TRPC7: variants seen among roughly 807,000 people sequenced by gnomAD.
TRPC7 encodes the protein transient receptor potential cation channel subfamily C member 7, also known as short transient receptor potential channel 7.
A neutral mutation model predicts 90.1 loss-of-function variants in TRPC7; 42 were observed. The observed-to-expected ratio is 0.47, with a 90% CI of 0.36 to 0.60. TRPC7 has a LOEUF of 0.60. Ranked by LOEUF, TRPC7 falls within the 20% of genes least tolerant of loss-of-function variation. TRPC7 has a pLI of 0.00. For missense variants in TRPC7, 955 were observed against 1,112.3 expected, an observed-to-expected ratio of 0.86 and a Z score of 2.01; for synonymous variants, 451 against 436.3, an observed-to-expected ratio of 1.03 and a Z score of -0.42.
intron 3 of TRPC7, among the ~76,000 whole-genome samples, chr5:136,310,213 C>T (rs1758781659): frequency 6.6e-6 from 1 of 152,132 alleles, no homozygotes; most frequent in Admixed American, 6.6e-5. Flanking sequence ...ATCAGAAATG[C>T]CCTCCCCACC....
At chr5:136,331,393 G>A (rs1193620243) in intron 2 of TRPC7, among the ~76,000 whole-genome samples, 1 of 152,060 alleles carries the variant, frequency 6.6e-6, no homozygotes, top group Non-Finnish European at 1.5e-5. Context: ...GGGCCCTGGA[G>A]GTACAATGGA....
At chr5:136,347,486 C>G (rs1305875086) in intron 2 of TRPC7, among the ~76,000 whole-genome samples, 3 of 152,140 alleles carry the variant, frequency 2.0e-5, no homozygotes, top group Non-Finnish European at 4.4e-5. Flanking sequence ...TTTCCTGTAC[C>G]TTAATGAAAA....
chr5:136,349,880 C>T (rs1392399251), intron 2 of TRPC7, among the ~76,000 whole-genome samples: 1 of 152,190 alleles, frequency 6.6e-6, no homozygotes. Context: ...TATAATGGAG[C>T]TGCCCTATAC....
At chr5:136,354,625 AG>A in intron 2 of TRPC7, among the ~76,000 whole-genome samples, 1 of 152,284 alleles carries the variant, frequency 6.6e-6, no homozygotes, top group African/African-American at 2.4e-5. Context: ...TTACCAGACA[AG>A]TTAATTTCCC....
chr5:136,321,536 G>T (rs1472240229), intron 2 of TRPC7, among the ~76,000 whole-genome samples: 2 of 152,108 alleles, frequency 1.3e-5, no homozygotes, highest in Non-Finnish European at 2.9e-5. Context: ...CATGTCAAAT[G>T]CTCAGGATAG....
chr5:136,312,536 C>T (rs2161382), intron 3 of TRPC7, among the ~76,000 whole-genome samples: 46,450 of 152,092 alleles, frequency 0.31, 8,133 homozygotes, highest in African/African-American at 0.49. Context: ...TATGTCCATT[C>T]TGCAAATGGG....
rs370032512 is a variant in TRPC7, at chr5:136,356,814, G to A, written c.574C>T (p.Arg192Trp). ...ILLLKGARIE[R>W]PHDYFCKCNE... ...CACTTGCAGAAGTAGTCGTGGGGCC[G>A]CTCGATGCGGGCGCCCTTGAGCAGC... is the stretch of plus-strand genomic sequence containing the variant. Residue 192 changes from arginine to tryptophan, a missense_variant, in exon 2 of 12, where the codon CGG becomes TGG. Arg to Trp is a moderately radical substitution (Grantham distance 101). This residue lies in a region of TRPC7 where 484 missense variants were observed against 509.6 expected (regional missense o/e 0.95). Transcript: ENST00000513104. 1.2e-6 allele frequency: 2 copies of A among 1,613,228 alleles called. No homozygotes were observed. The highest frequency in any genetic ancestry group is 1.7e-6 in the Non-Finnish European group (2 of 1,179,528).
intron 2 of TRPC7, among the ~76,000 whole-genome samples, chr5:136,338,022 C>G (rs958983628): frequency 6.6e-6 from 1 of 152,036 alleles, no homozygotes; most frequent in Non-Finnish European, 1.5e-5. Flanking sequence ...GTAAGTGCGT[C>G]GTATTCTAAC....
intron 2 of TRPC7, among the ~76,000 whole-genome samples, chr5:136,333,236 T>A (rs1443322691): frequency 6.6e-6 from 1 of 152,144 alleles, no homozygotes; most frequent in Non-Finnish European, 1.5e-5. Context: ...CTCAGGGATG[T>A]TGCCCCAGAG....
At chr5:136,248,778 T>A (rs972533128) in intron 6 of TRPC7, among the ~76,000 whole-genome samples, 3 of 152,236 alleles carry the variant, frequency 2.0e-5, no homozygotes, top group Non-Finnish European at 2.9e-5. Context: ...CCTATTGCAG[T>A]TCTAATGGTA....
At chr5:136,255,696 C>T (rs1407196274) in intron 5 of TRPC7, among the ~76,000 whole-genome samples, 3 of 152,332 alleles carry the variant, frequency 2.0e-5, no homozygotes, top group Admixed American at 1.3e-4. Flanking sequence ...AATTTGAGCA[C>T]CTACTATGTG....
rs1755150768 is a variant in TRPC7 at position 136,213,260 on chromosome 5, T to G, written c.*175A>C. The G allele has an allele frequency of 3.0e-6, 2 of 667,998 alleles. No individual in the cohort carries two copies. The highest frequency in any genetic ancestry group is 1.8e-5 in the African/African-American group (1 of 55,002). 41.4% of individuals were successfully genotyped at this position (667,998 alleles called of 1,614,324 possible). On this transcript the variant is annotated 3_prime_UTR_variant, in exon 12 of 12. Coordinates refer to ENST00000513104, the MANE Select transcript of TRPC7 (RefSeq NM_020389.3). Reference sequence around the variant, plus strand: ...CACCTAGATTCACAGCAGTTCTGGGTCTAGGCAGGCCAGCGGGCTGGAGAT... The same window carrying G: ...CACCTAGATTCACAGCAGTTCTGGGGCTAGGCAGGCCAGCGGGCTGGAGAT...
intron 2 of TRPC7, among the ~76,000 whole-genome samples, chr5:136,353,626 A>G (rs1054106232): frequency 2.6e-5 from 4 of 152,220 alleles, no homozygotes; most frequent in African/African-American, 9.6e-5. Context: ...AGGAATGCAC[A>G]TATAAGGCTA....
chr5:136,345,281 C>T (rs1580979546), intron 2 of TRPC7, among the ~76,000 whole-genome samples: 1 of 152,150 alleles, frequency 6.6e-6, no homozygotes, highest in Non-Finnish European at 1.5e-5. Context: ...TCTGGCCAGG[C>T]ACGGTGGCTC....
At chr5:136,295,712 A>T (rs972195147) in intron 3 of TRPC7, among the ~76,000 whole-genome samples, 2 of 152,196 alleles carry the variant, frequency 1.3e-5, no homozygotes, top group African/African-American at 4.8e-5. Context: ...TAATCTCTGC[A>T]ATCTCTGTAG....
At chr5:136,219,728 T>A (rs1755390503) in intron 10 of TRPC7, among the ~76,000 whole-genome samples, 1 of 152,236 alleles carries the variant, frequency 6.6e-6, no homozygotes, top group Non-Finnish European at 1.5e-5. Flanking sequence ...ATGGTGCCAC[T>A]GCACTGCAGC....
chr5:136,227,633 C>T (rs1755672093), intron 8 of TRPC7, among the ~76,000 whole-genome samples: 1 of 152,154 alleles, frequency 6.6e-6, no homozygotes, highest in Non-Finnish European at 1.5e-5. Flanking sequence ...GCAGGGCTTA[C>T]TCCTGGTCTC....
At chr5:136,242,681 G>A (rs1561684337) in intron 7 of TRPC7, among the ~76,000 whole-genome samples, 2 of 152,184 alleles carry the variant, frequency 1.3e-5, no homozygotes, top group Non-Finnish European at 2.9e-5. Flanking sequence ...GTGCAATGAT[G>A]AGGTTGGATC....
At chr5:136,250,325 ATTG>A in intron 6 of TRPC7, among the ~76,000 whole-genome samples, 1 of 152,342 alleles carries the variant, frequency 6.6e-6, no homozygotes, top group Non-Finnish European at 1.5e-5. Context: ...TCTGCAGATC[ATTG>A]TTGTACCTGA....
Sources: gnomAD v4.1 joint callset for allele counts (sites outside exome capture counted in the v4.1 genomes callset) on GRCh38, gnomAD v4.1.1 for gene constraint, gnomAD v4.1.1 regional missense constraint, MANE v1.5 for transcripts, NCBI Gene and HGNC (gene_info 2026-07-23, HGNC 2026-07-21) for gene names.